The following DNAAF9 variants were observed in gnomAD, a reference collection of about 807,000 sequenced individuals.
DNAAF9 encodes the protein shulin.
A neutral mutation model predicts 167.0 loss-of-function variants in DNAAF9; 90 were observed. The ratio of observed to expected loss-of-function variants is 0.54; its 90% CI spans 0.45 to 0.64. The LOEUF is 0.64. Ranked by LOEUF, DNAAF9 falls within the 30% of genes least tolerant of loss-of-function variation. The pLI, the probability that DNAAF9 is intolerant of heterozygous loss-of-function variation, is 0.00. For missense variants in DNAAF9, 1,315 were observed against 1,442.2 expected, an observed-to-expected ratio of 0.91 and a Z score of 1.43; for synonymous variants, 491 against 508.8, an observed-to-expected ratio of 0.96 and a Z score of 0.47.
At chr20:3,396,625 A>C (rs1331526611) in intron 1 of DNAAF9, among the ~76,000 whole-genome samples, 2 of 152,220 alleles carry the variant, frequency 1.3e-5, no homozygotes, top group Non-Finnish European at 2.9e-5. Flanking sequence ...AGGCTTCATC[A>C]AGAATACCTT....
chr20:3,406,022 C>G (rs1163689958), intron 1 of DNAAF9, among the ~76,000 whole-genome samples: 4 of 152,202 alleles, frequency 2.6e-5, no homozygotes, highest in African/African-American at 9.7e-5. Context: ...AAGGGCAGAG[C>G]AGGAGTTCAA....
intron 3 of DNAAF9, among the ~76,000 whole-genome samples, chr20:3,377,783 TG>T (rs2123233044): frequency 6.6e-6 from 1 of 152,186 alleles, no homozygotes; most frequent in East Asian, 1.9e-4. Flanking sequence ...ATGTTAATGT[TG>T]GTCAGTTATG....
At chr20:3,388,825 A>G (rs199978044) in intron 1 of DNAAF9, among the ~76,000 whole-genome samples, 2 of 152,174 alleles carry the variant, frequency 1.3e-5, no homozygotes, top group Admixed American at 1.3e-4. Flanking sequence ...TTTAATAGGT[A>G]CAGCTTCAGT....
At chr20:3,362,437 CTTA>C (rs1456823803) in intron 6 of DNAAF9, 3 of 417,636 alleles carry the variant, frequency 7.2e-6, no homozygotes, top group African/African-American at 4.1e-5. Context: ...AATTTGCTTT[CTTA>C]TTATTATTCT....
At chr20:3,322,558 A>G (rs78742721) in intron 15 of DNAAF9, 94 bp downstream of exon 15, 29,598 of 972,140 alleles carry the variant, frequency 0.03, 642 homozygotes, top group African/African-American at 0.096. Context: ...CTAGGTGTGG[A>G]AGCATGAGAA....
chr20:3,360,531 T>G (rs555661314), intron 6 of DNAAF9, among the ~76,000 whole-genome samples: 5 of 152,306 alleles, frequency 3.3e-5, no homozygotes, highest in South Asian at 2.1e-4. Context: ...TTGGTATGCA[T>G]CCAAATTTCA....
At chr20:3,318,801 A>G (rs1265342449) in intron 16 of DNAAF9, among the ~76,000 whole-genome samples, 1 of 152,076 alleles carries the variant, frequency 6.6e-6, no homozygotes, top group African/African-American at 2.4e-5. Flanking sequence ...AAATTAGGCT[A>G]GGCATAATGA....
intron 14 of DNAAF9, 60 bp from the exon 15 acceptor site, chr20:3,322,756 T>A: frequency 8.2e-7 from 1 of 1,220,874 alleles, no homozygotes; most frequent in Non-Finnish European, 1.2e-6. Context: ...CAGATACCTG[T>A]GCAGGGTACC....
Position 3,376,255 on chromosome 20 carries a change from G to C in DNAAF9, c.331C>G (p.Pro111Ala), listed in dbSNP as rs1460328764. 6.2e-7 allele frequency: 1 copy of C among 1,612,738 alleles called. No homozygotes were observed. The change falls in exon 4 of 37, where the codon CCT becomes GCT. Residue 111 changes from proline (P) to alanine (A), a missense_variant. Around this residue, in one of 2 missense-constraint regions of DNAAF9, gnomAD observed 981 missense variants for 1,012.5 expected, o/e 0.97. Coordinates refer to ENST00000252032, the MANE Select transcript of DNAAF9 (RefSeq NM_001009984.3). The stretch of plus-strand genomic sequence containing the variant: ...GGTAAGAGATAGCGAAAGTTTACAG[G>C]ATTACAGTACAGATGGACGCTATCC... Reference protein sequence around the residue: ...KSDSVHLYCNPVNFRYLLPYV... With the variant: ...KSDSVHLYCNAVNFRYLLPYV...
At chr20:3,289,326 C>G (rs1211948188) in intron 26 of DNAAF9, among the ~76,000 whole-genome samples, 1 of 152,106 alleles carries the variant, frequency 6.6e-6, no homozygotes, top group Admixed American at 6.5e-5. Context: ...CACCTGTAGT[C>G]CTGCCTACTT....
chr20:3,282,964 C>T (rs1159416920), intron 27 of DNAAF9, among the ~76,000 whole-genome samples: 2 of 152,146 alleles, frequency 1.3e-5, no homozygotes, highest in African/African-American at 4.8e-5. Flanking sequence ...CTATTTATAC[C>T]CTATTTTCTC....
chr20:3,318,123 T>A (rs6051738), intron 17 of DNAAF9, among the ~76,000 whole-genome samples, 166 bp downstream of exon 17: 1 of 139,464 alleles, frequency 7.2e-6, no homozygotes, highest in African/African-American at 2.7e-5. Flanking sequence ...TTTTTTTTGA[T>A]ACGGGGTCTC....
chr20:3,356,549 T>C (rs1169114101), intron 7 of DNAAF9, among the ~76,000 whole-genome samples: 1 of 152,238 alleles, frequency 6.6e-6, no homozygotes, highest in Non-Finnish European at 1.5e-5. Context: ...CTTAACTTCC[T>C]TGTACCTATC....
At chr20:3,317,035 C>T (rs2069515371) in intron 17 of DNAAF9, among the ~76,000 whole-genome samples, 1 of 151,444 alleles carries the variant, frequency 6.6e-6, no homozygotes, top group Admixed American at 6.6e-5. Context: ...GCTGGGATTA[C>T]AGATGCGTGC....
intron 14 of DNAAF9, among the ~76,000 whole-genome samples, chr20:3,323,204 C>A (rs2069648134): frequency 6.7e-6 from 1 of 149,996 alleles, no homozygotes; most frequent in African/African-American, 2.5e-5. Flanking sequence ...TCATGGCTCC[C>A]ACTCCTTCCC....
intron 16 of DNAAF9, among the ~76,000 whole-genome samples, chr20:3,321,245 A>T (rs1456471471): frequency 6.6e-6 from 1 of 152,198 alleles, no homozygotes. Flanking sequence ...TGAGAAATGC[A>T]TCATTAGCTG....
intron 16 of DNAAF9, among the ~76,000 whole-genome samples, chr20:3,319,667 A>C (rs1307211336): frequency 2.0e-5 from 3 of 152,228 alleles, no homozygotes; most frequent in Non-Finnish European, 4.4e-5. Context: ...GGACAGAGAC[A>C]AAAGATCTGA....
intron 1 of DNAAF9, among the ~76,000 whole-genome samples, chr20:3,390,116 T>C (rs1421560836): frequency 1.3e-5 from 2 of 152,110 alleles, no homozygotes; most frequent in African/African-American, 2.4e-5. Flanking sequence ...TTTGATACCA[T>C]TAGGGATCTA....
At chr20:3,320,752 C>G (rs2069599996) in intron 16 of DNAAF9, among the ~76,000 whole-genome samples, 1 of 152,188 alleles carries the variant, frequency 6.6e-6, no homozygotes, top group African/African-American at 2.4e-5. Flanking sequence ...GTTAACACTA[C>G]TGACAGGAAC....
Sources: allele counts gnomAD v4.1 joint callset (sites outside exome capture counted in the v4.1 genomes callset), GRCh38; gene constraint gnomAD v4.1.1; regional missense constraint gnomAD v4.1.1; transcripts MANE v1.5; gene names NCBI Gene and HGNC (gene_info 2026-07-23, HGNC 2026-07-21).